The following MYLK4 variants were observed in gnomAD, a reference collection of about 807,000 sequenced individuals.
The protein encoded by MYLK4 is myosin light chain kinase family member 4, also known as caMLCK like.
MYLK4 carries 46 observed loss-of-function variants against 48.1 expected under a neutral mutation model. The observed-to-expected ratio is 0.96, with a 90% CI of 0.75 to 1.22. MYLK4 has a LOEUF of 1.22. Among genes scored for constraint, MYLK4 ranks in the 50% most tolerant of loss-of-function variants. The pLI, the probability that MYLK4 is intolerant of heterozygous loss-of-function variation, is 0.00. For missense variants in MYLK4, 451 were observed against 486.1 expected (o/e 0.93, Z 0.68); for synonymous variants, 170 against 180.8 (o/e 0.94, Z 0.48).
chr6:2,722,525 G>C (rs1763107540), intron 2 of MYLK4, among the ~76,000 whole-genome samples: 1 of 150,126 alleles, frequency 6.7e-6, no homozygotes, highest in South Asian at 2.1e-4. Flanking sequence ...GTGTGTGTGT[G>C]TGTGTGTGTG....
At chr6:2,744,250 C>T (rs1267609850) in intron 2 of MYLK4, 3 of 369,464 alleles carry the variant, frequency 8.1e-6, no homozygotes, top group Admixed American at 4.6e-5. Flanking sequence ...ATACGATGGC[C>T]TTGTGTGACA....
the MYLK4 span, among the ~76,000 whole-genome samples, chr6:2,766,759 C>T: frequency 6.6e-6 from 1 of 151,880 alleles, no homozygotes; most frequent in Non-Finnish European, 1.5e-5. Flanking sequence ...GGTCTCCCCG[C>T]CCCCTCCCCA....
intron 2 of MYLK4, among the ~76,000 whole-genome samples, chr6:2,699,312 T>A (rs9405579): frequency 8.4e-6 from 1 of 118,530 alleles, no homozygotes; most frequent in Non-Finnish European, 1.8e-5. Context: ...TTTTTTTTGA[T>A]ATGGAGTCTC....
intron 2 of MYLK4, among the ~76,000 whole-genome samples, chr6:2,740,654 C>T (rs1205007243): frequency 6.6e-6 from 1 of 152,230 alleles, no homozygotes; most frequent in Non-Finnish European, 1.5e-5. Context: ...AAGCCACCCT[C>T]ACGCATGCTT....
the MYLK4 span, chr6:2,765,380 A>G: frequency 2.9e-6 from 1 of 345,354 alleles, no homozygotes. Context: ...GCCGGGGCAA[A>G]CGGCCACGAA....
chr6:2,685,478 T>A lies in MYLK4; in HGVS notation c.435+5A>T, dbSNP rs377712015. The A allele has an allele frequency of 6.2e-7, 1 of 1,614,080 alleles. No homozygotes were observed. Among genetic ancestry groups the A allele is most frequent in the Admixed American group, 1.7e-5 (1 of 60,024 alleles). On this transcript the variant is annotated splice_donor_5th_base_variant and intron_variant, in intron 5 of 12. Coordinates refer to ENST00000274643, the MANE Select transcript of MYLK4 (RefSeq NM_001012418.5). The surrounding 1 kb of genome is among the most constrained non-coding windows in gnomAD (Gnocchi z 4.5). ...AGGGAGGGGACCACCTCCCACAGGC[T>A]GTACCTTGTCCTTCATGCCTCTGGT...
rs764722522 is a variant in MYLK4, at chr6:2,692,783, C to G, written c.235+1G>C. ...ACTATCTACTTTTCTAAAGATGTTACCTGCGAGGGCTGATGTCCTTTTGCT... is the reference window on the plus strand; with the variant it reads ...ACTATCTACTTTTCTAAAGATGTTAGCTGCGAGGGCTGATGTCCTTTTGCT... On this transcript the variant is annotated splice_donor_variant, in intron 3 of 12. Transcript: ENST00000274643. LOFTEE classifies it high-confidence loss of function. The G allele has an allele frequency of 6.2e-7, 1 of 1,613,358 alleles. No individual in the cohort carries two copies. The highest frequency in any genetic ancestry group is 8.5e-7 in the Non-Finnish European group (1 of 1,179,698).
intron 2 of MYLK4, among the ~76,000 whole-genome samples, chr6:2,738,736 C>CA (rs1763788477): frequency 6.6e-6 from 1 of 152,128 alleles, no homozygotes; most frequent in Admixed American, 6.5e-5. Context: ...GATCATGTGG[C>CA]AAAAAACTGT....
chr6:2,694,072 T>C (rs1477883960), intron 2 of MYLK4, among the ~76,000 whole-genome samples: 1 of 152,218 alleles, frequency 6.6e-6, no homozygotes, highest in East Asian at 1.9e-4. Context: ...AATGTGCTTT[T>C]ACACAATGCA....
chr6:2,668,353 G>A (rs944937873), intron 12 of MYLK4, among the ~76,000 whole-genome samples: 3 of 152,220 alleles, frequency 2.0e-5, no homozygotes, highest in East Asian at 3.9e-4. Flanking sequence ...CCTGGGGCCC[G>A]CACACGGCTA....
the MYLK4 span, chr6:2,765,813 C>T: frequency 1.5e-6 from 2 of 1,355,406 alleles, no homozygotes; most frequent in South Asian, 1.8e-5. Flanking sequence ...GCCAAGGGGC[C>T]CTCGCCGCCC....
intron 2 of MYLK4, among the ~76,000 whole-genome samples, chr6:2,722,642 G>A (rs574268534): frequency 5.5e-4 from 82 of 150,340 alleles, no homozygotes; most frequent in African/African-American, 1.7e-3. Context: ...AAAGAAAAAC[G>A]AACACATGCA....
intron 2 of MYLK4, among the ~76,000 whole-genome samples, chr6:2,731,624 C>T (rs1763482710): frequency 6.6e-6 from 1 of 152,186 alleles, no homozygotes; most frequent in Non-Finnish European, 1.5e-5. Flanking sequence ...GGTCTTAACC[C>T]TGAGCACACT....
chr6:2,690,222 G>T (rs1198788305), intron 3 of MYLK4, among the ~76,000 whole-genome samples: 1 of 152,192 alleles, frequency 6.6e-6, no homozygotes, highest in Non-Finnish European at 1.5e-5. Context: ...GAGCTCCTCA[G>T]CTTGCCTGGC....
chr6:2,733,296 T>C (rs930049236), intron 2 of MYLK4, among the ~76,000 whole-genome samples: 37 of 152,330 alleles, frequency 2.4e-4, no homozygotes, highest in Non-Finnish European at 4.0e-4. Context: ...ATTTCAGTCA[T>C]AGCACAGCTG....
intron 3 of MYLK4, among the ~76,000 whole-genome samples, chr6:2,690,562 C>T (rs1178082560): frequency 6.6e-6 from 1 of 152,038 alleles, no homozygotes; most frequent in African/African-American, 2.4e-5. Context: ...ACGTGAGCTC[C>T]GTGATAGAGG....
At chr6:2,758,648 C>T in the MYLK4 span, among the ~76,000 whole-genome samples, 7 of 152,062 alleles carry the variant, frequency 4.6e-5, no homozygotes, top group Non-Finnish European at 8.8e-5. Flanking sequence ...CCTTGATTTT[C>T]CTTGCAATTT....
At chr6:2,709,795 G>C (rs536705110) in intron 2 of MYLK4, among the ~76,000 whole-genome samples, 1 of 152,310 alleles carries the variant, frequency 6.6e-6, no homozygotes, top group East Asian at 1.9e-4. Context: ...TTCCCTTTCA[G>C]GTTTGGTTAA....
At chr6:2,745,936 A>T (rs1265838261) in intron 2 of MYLK4, among the ~76,000 whole-genome samples, 6 of 151,198 alleles carry the variant, frequency 4.0e-5, no homozygotes, top group African/African-American at 2.4e-5. Flanking sequence ...AAAAAAAAAA[A>T]AGAAACAAAC....
Sources: allele counts gnomAD v4.1 joint callset (sites outside exome capture counted in the v4.1 genomes callset), GRCh38; gene constraint gnomAD v4.1.1; non-coding constraint Gnocchi (gnomAD v3.1); transcripts MANE v1.5; gene names NCBI Gene and HGNC (gene_info 2026-07-23, HGNC 2026-07-21).